URI1: variants seen among roughly 807,000 people sequenced by gnomAD.
The protein encoded by URI1 is URI1 prefoldin like chaperone.
Under a neutral mutation model 60.2 loss-of-function variants are expected in URI1, and 39 were observed. The ratio of observed to expected loss-of-function variants is 0.65; its 90% CI spans 0.50 to 0.85. The LOEUF is 0.85. Among genes scored for constraint, URI1 ranks in the 40% least tolerant of loss-of-function variants. URI1 has a pLI of 0.00. For synonymous variants in URI1, 251 were observed against 236.8 expected (o/e 1.06, Z -0.55); for missense variants, 691 against 665.9 (o/e 1.04, Z -0.42).
At chr19:29,949,331 C>T (rs542969215) in intron 1 of URI1, among the ~76,000 whole-genome samples, 1 of 151,412 alleles carries the variant, frequency 6.6e-6, no homozygotes, top group South Asian at 2.1e-4. Context: ...GGCGGAGGTG[C>T]TCCCCACATC....
At chr19:29,954,854 C>A (rs2043509044) in intron 1 of URI1, among the ~76,000 whole-genome samples, 1 of 151,962 alleles carries the variant, frequency 6.6e-6, no homozygotes, top group Admixed American at 6.6e-5. Flanking sequence ...ACCTGTCCTT[C>A]CTCTGTTTCT....
At chr19:29,965,419 G>A (rs2055380125) in intron 1 of URI1, among the ~76,000 whole-genome samples, 1 of 152,224 alleles carries the variant, frequency 6.6e-6, no homozygotes, top group African/African-American at 2.4e-5. Context: ...ATTCAGAAAT[G>A]TAGGTCACAA....
At chr19:29,961,444 A>G (rs570476541) in intron 1 of URI1, among the ~76,000 whole-genome samples, 4 of 152,256 alleles carry the variant, frequency 2.6e-5, no homozygotes, top group East Asian at 1.9e-4. Flanking sequence ...TTCACTTACC[A>G]TAATGTCTCA....
intron 1 of URI1, among the ~76,000 whole-genome samples, chr19:29,950,367 G>GTA (rs1478249891): frequency 6.6e-6 from 1 of 152,028 alleles, no homozygotes; most frequent in Non-Finnish European, 1.5e-5. Flanking sequence ...CTTTTAGCTT[G>GTA]TATCACTTGC....
chr19:29,927,826 C>T (rs185305053), intron 1 of URI1, among the ~76,000 whole-genome samples: 5 of 152,080 alleles, frequency 3.3e-5, no homozygotes, highest in African/African-American at 1.2e-4. Context: ...ATCTGCCCAC[C>T]TCGGCCTCCC....
rs1484608563 is a variant in URI1, at chr19:29,986,383, G to A, written c.333G>A (p.Lys111=). ...ACTGGTTTGCAAAGTGCTCAGCAAA[G>A]CAGGCTGTAGGTTTAGTTGAGCACC... ...GDNWFAKCSA[K]QAVGLVEHRK... Residue 111 remains lysine, a synonymous_variant, in exon 4 of 11, where the codon AAG becomes AAA. Transcript: ENST00000392271. The A allele has an allele frequency of 3.7e-6, 6 of 1,609,866 alleles. No individual in the cohort carries two copies. In the Admixed American group the frequency reaches 1.0e-4, roughly 28 times the overall value.
At chr19:29,998,418 C>T (rs2055839074) in intron 4 of URI1, among the ~76,000 whole-genome samples, 1 of 152,098 alleles carries the variant, frequency 6.6e-6, no homozygotes, top group South Asian at 2.1e-4. Flanking sequence ...AGGGGATATT[C>T]ATGTCTCCTC....
At chr19:30,010,661 GT>G (rs920493750) in intron 8 of URI1, among the ~76,000 whole-genome samples, 9 of 152,060 alleles carry the variant, frequency 5.9e-5, no homozygotes, top group African/African-American at 1.9e-4. Context: ...AATTAGAGAT[GT>G]TTTAAAAATT....
At chr19:29,991,934 C>T (rs1025693632) in intron 4 of URI1, among the ~76,000 whole-genome samples, 3 of 151,992 alleles carry the variant, frequency 2.0e-5, no homozygotes, top group African/African-American at 2.4e-5. Context: ...CTGGATGAAC[C>T]GCATTTGATC....
chr19:29,944,786 A>G (rs1320862863), intron 1 of URI1, among the ~76,000 whole-genome samples: 1 of 152,246 alleles, frequency 6.6e-6, no homozygotes, highest in Non-Finnish European at 1.5e-5. Flanking sequence ...TCTTTATTTA[A>G]TAGAAGCATT....
Position 29,985,324 on chromosome 19 carries a change from A to G in URI1, c.231+23A>G, listed in dbSNP as rs140581786. The G allele has an allele frequency of 6.9e-4, 1,091 of 1,580,206 alleles. 8 individuals carry two copies. The African/African-American group carries it at 0.013, about 19-fold the overall frequency. ...ATGGTATGTTTGGTGTGTTTCTTTT[A>G]AAGTAATAGTTGTTTCTTGTAAACA... On this transcript the variant is annotated intron_variant, in intron 3 of 10. Transcript: ENST00000392271.
chr19:29,985,062 G>A (rs2055646317), intron 2 of URI1, among the ~76,000 whole-genome samples, 161 bp from the exon 3 acceptor site: 1 of 134,466 alleles, frequency 7.4e-6, no homozygotes, highest in African/African-American at 2.8e-5. Flanking sequence ...GGAGGGTGCA[G>A]TGAGCCGAGA....
rs947222514 is a variant in URI1, at chr19:29,942,393, G to A, written c.-155G>A. ...AGATGCGGCAGCGGGCGGCGCGGAC[G>A]CGAACAGCAGCGGCGGCGGCGGGCG... On this transcript the variant is annotated 5_prime_UTR_variant, in exon 1 of 11. Transcript: ENST00000392271. 6 of 983,182 alleles carry A rather than the reference G, an allele frequency of 6.1e-6. No homozygotes were observed. In the African/African-American group the frequency reaches 7.0e-5, roughly 12 times the overall value. 60.9% of individuals were successfully genotyped at this position (983,182 alleles called of 1,614,324 possible). A position where few individuals can be genotyped will look rare whatever the true frequency, so the allele number is the denominator to read the frequency against.
rs546011524 is a variant in URI1 at position 29,997,466 on chromosome 19, A to G, written c.368-7895A>G. Among the ~76,000 whole-genome samples the G allele has an allele frequency of 9.2e-5, 14 of 152,178 alleles. No homozygotes were observed. The South Asian group carries it at 2.5e-3, about 27-fold the overall frequency. On this transcript the variant is annotated intron_variant, in intron 4 of 10. Coordinates refer to ENST00000392271, the MANE Select transcript of URI1 (RefSeq NM_003796.3). ...TAGACAGTCTAATAAAGATTTGTCA[A>G]TTTTGTTGATCTTGTAAAAAACCAA...
rs2055963609 is a variant in URI1 at position 30,007,760 on chromosome 19, T to C, written c.686+122T>C. On this transcript the variant is annotated intron_variant, in intron 7 of 10. Coordinates refer to ENST00000392271, the MANE Select transcript of URI1 (RefSeq NM_003796.3). ...GAAGAAAATGCAGGGAAGCATAATA[T>C]ATTATCAATAATCCTTTCACCTCAA... The C allele has an allele frequency of 1.0e-5, 8 of 787,810 alleles. No homozygotes were observed. In the South Asian group the frequency reaches 1.6e-4, roughly 15 times the overall value. The allele number at this position is 787,810 out of a possible 1,614,324, so 48.8% of individuals were successfully genotyped here.
At chr19:29,990,882 A>G (rs2055737695) in intron 4 of URI1, among the ~76,000 whole-genome samples, 1 of 152,214 alleles carries the variant, frequency 6.6e-6, no homozygotes, top group East Asian at 1.9e-4. Flanking sequence ...ATTATAACTT[A>G]AATTGTTAAA....
chr19:29,935,511 T>C (rs2054961133), intron 1 of URI1, among the ~76,000 whole-genome samples: 1 of 152,188 alleles, frequency 6.6e-6, no homozygotes, highest in African/African-American at 2.4e-5. Context: ...TTCTTTTTTT[T>C]TCTCATCATG....
chr19:29,952,156 C>G (rs1489821702), intron 1 of URI1, among the ~76,000 whole-genome samples: 1 of 152,110 alleles, frequency 6.6e-6, no homozygotes, highest in Non-Finnish European at 1.5e-5. Context: ...GTAATTTTTG[C>G]AAATAATTTA....
intron 1 of URI1, 39 bp downstream of exon 1, chr19:29,942,703 C>A: frequency 7.3e-7 from 1 of 1,360,704 alleles, no homozygotes; most frequent in South Asian, 1.8e-5. Context: ...CTCCGCCCGC[C>A]GGGCTGCCCC....
Sources: gnomAD v4.1 joint callset for allele counts (sites outside exome capture counted in the v4.1 genomes callset) on GRCh38, gnomAD v4.1.1 for gene constraint, MANE v1.5 for transcripts, NCBI Gene and HGNC (gene_info 2026-07-23, HGNC 2026-07-21) for gene names.